The following PLBD1 variants were observed in gnomAD, a reference collection of about 807,000 sequenced individuals.
PLBD1 encodes phospholipase B domain containing 1.
Under a neutral mutation model 63.0 loss-of-function variants are expected in PLBD1, and 60 were observed. The observed-to-expected ratio is 0.95, with a 90% CI of 0.77 to 1.18. PLBD1 has a LOEUF of 1.18. PLBD1 is among the 50% of genes most tolerant of loss of function. PLBD1 has a pLI of 0.00. For missense variants in PLBD1, 598 were observed against 677.9 expected (o/e 0.88, Z 1.31); for synonymous variants, 262 against 248.0 (o/e 1.06, Z -0.53).
At chr12:14,507,208 A>G in intron 8 of PLBD1, 90 bp from the exon 9 acceptor site, 1 of 1,032,922 alleles carries the variant, frequency 9.7e-7, no homozygotes. Context: ...ATCCATGTTC[A>G]TTTATTTTGA....
intron 2 of PLBD1, among the ~76,000 whole-genome samples, chr12:14,550,300 C>T (rs561253834): frequency 6.3e-4 from 96 of 152,308 alleles, no homozygotes; most frequent in African/African-American, 2.2e-3. Context: ...ATCTCTGCCC[C>T]ACTCCTGATC....
chr12:14,540,993 C>T, intron 3 of PLBD1, 91 bp from the exon 4 acceptor site: 1 of 1,292,140 alleles, frequency 7.7e-7, no homozygotes, highest in Non-Finnish European at 1.0e-6. Context: ...TATACTCAGA[C>T]ACTTATGCTA....
intron 1 of PLBD1, among the ~76,000 whole-genome samples, chr12:14,558,321 T>A (rs1357174968): frequency 6.6e-6 from 1 of 152,102 alleles, no homozygotes; most frequent in Non-Finnish European, 1.5e-5. Flanking sequence ...AATTTGCCAA[T>A]AAACTGCGGG....
At chr12:14,558,111 G>C (rs1945720350) in intron 1 of PLBD1, among the ~76,000 whole-genome samples, 1 of 149,560 alleles carries the variant, frequency 6.7e-6, no homozygotes, top group Non-Finnish European at 1.5e-5. Context: ...CTTAATACTA[G>C]AGCATCATGG....
chr12:14,540,894 T>C lies in PLBD1; in HGVS notation c.428A>G (p.Asp143Gly), dbSNP rs774824067. The C allele has an allele frequency of 2.0e-5, 32 of 1,596,088 alleles. No individual in the cohort carries two copies. The highest frequency in any genetic ancestry group is 3.3e-4 in the Middle Eastern group (2 of 6,004). ...DKVQDFMEKQ[D>G]KWTRKNIKEY... The stretch of plus-strand genomic sequence containing the variant: ...TTTGATATTTTTCCGGGTCCACTTA[T>C]CTTGCTTCCTGGAAGAGAAATTAGA... Residue 143 changes from aspartate to glycine, a missense_variant, in exon 4 of 11, where the codon GAT (aspartate) becomes GGT (glycine). Physicochemically the swap from Asp to Gly is moderately conservative, Grantham distance 94. Transcript: ENST00000240617.
intron 6 of PLBD1, among the ~76,000 whole-genome samples, chr12:14,528,984 CAAA>C (rs950011313): frequency 1.3e-5 from 2 of 151,982 alleles, no homozygotes; most frequent in Non-Finnish European, 2.9e-5. Context: ...AACTTTTCAA[CAAA>C]TAAAAACCTT....
At chr12:14,564,566 G>T (rs1945766121) in intron 1 of PLBD1, among the ~76,000 whole-genome samples, 1 of 152,218 alleles carries the variant, frequency 6.6e-6, no homozygotes, top group African/African-American at 2.4e-5. Context: ...CAGTGAGAAA[G>T]TGCCTAGAGC....
At chr12:14,529,859 A>G in intron 6 of PLBD1, among the ~76,000 whole-genome samples, 1 of 152,208 alleles carries the variant, frequency 6.6e-6, no homozygotes, top group East Asian at 1.9e-4. Context: ...GATTGTATAT[A>G]TAGAAAATCC....
chr12:14,518,089 G>A (rs576818352), intron 6 of PLBD1, among the ~76,000 whole-genome samples: 14 of 152,222 alleles, frequency 9.2e-5, no homozygotes, highest in Admixed American at 8.5e-4. Context: ...GCTGAGGCAC[G>A]AGAATCACTT....
intron 2 of PLBD1, 77 bp from the exon 3 acceptor site, chr12:14,542,368 T>G: frequency 8.8e-7 from 1 of 1,133,814 alleles, no homozygotes. Flanking sequence ...TATTCAATCA[T>G]TTGGCTAACT....
At chr12:14,536,127 C>G (rs1225954475) in intron 5 of PLBD1, 3 of 266,788 alleles carry the variant, frequency 1.1e-5, no homozygotes, top group Non-Finnish European at 2.1e-5. Flanking sequence ...GAAACCCTGT[C>G]TAAACCAAAA....
At position 14,506,941 on chromosome 12, in the gene PLBD1, C is replaced by T. The variant is rs532368691; in HGVS notation, c.1364G>A (p.Arg455Gln). The T allele has an allele frequency of 5.6e-5, 91 of 1,613,618 alleles. No individual in the cohort carries two copies. Among genetic ancestry groups the T allele is most frequent in the Admixed American group, 1.7e-4 (10 of 59,984 alleles). The change falls in exon 9 of 11, where the codon CGA becomes CAA. Residue 455 changes from arginine (R) to glutamine (Q), a missense_variant. Transcript: ENST00000240617. ...AGAAATATGCTACGTACTGTTGTAT[C>T]GCATGATATATTTCATGGATGCCGT... ...TDTASMKYIMRYNNYKKDPYS... is the reference protein window; with the variant it reads ...TDTASMKYIMQYNNYKKDPYS...
chr12:14,518,089 G>C (rs576818352), intron 6 of PLBD1, among the ~76,000 whole-genome samples: 1 of 152,104 alleles, frequency 6.6e-6, no homozygotes, highest in African/African-American at 2.4e-5. Context: ...GCTGAGGCAC[G>C]AGAATCACTT....
intron 2 of PLBD1, among the ~76,000 whole-genome samples, chr12:14,547,228 T>C (rs1165858986): frequency 8.6e-6 from 1 of 116,462 alleles, no homozygotes; most frequent in African/African-American, 3.0e-5. Flanking sequence ...GTGTGTAGAC[T>C]AGCTTTTTTG....
rs750748811 is a variant in PLBD1, at chr12:14,553,386, T to C, written c.142A>G (p.Met48Val). ...AGVYYATAYW[M>V]PAEKTVQVKN... is the part of the protein sequence containing the mutation. ...ACTTGTACTGTCTTTTCAGCAGGCA[T>C]CCAGTATGCAGTTGCATAGTAGACT... Residue 48 changes from methionine (M) to valine (V), a missense_variant, in exon 2 of 11, where the codon ATG becomes GTG. Coordinates refer to ENST00000240617, the MANE Select transcript of PLBD1 (RefSeq NM_024829.6). The C allele has an allele frequency of 5.6e-6, 9 of 1,614,028 alleles. No homozygotes were observed. Among genetic ancestry groups the C allele is most frequent in the Non-Finnish European group, 7.6e-6 (9 of 1,180,008 alleles).
At chr12:14,518,071 C>T (rs1565572337) in intron 6 of PLBD1, among the ~76,000 whole-genome samples, 1 of 152,126 alleles carries the variant, frequency 6.6e-6, no homozygotes, top group Admixed American at 6.5e-5. Flanking sequence ...ATCCCAGCTA[C>T]TTGGAAGGCT....
At chr12:14,532,147 C>A (rs774380156) in intron 6 of PLBD1, among the ~76,000 whole-genome samples, 1 of 152,174 alleles carries the variant, frequency 6.6e-6, no homozygotes, top group African/African-American at 2.4e-5. Context: ...GCCTATAAGT[C>A]GAGCTGGAAG....
At chr12:14,516,511 T>A (rs1470165163) in intron 6 of PLBD1, among the ~76,000 whole-genome samples, 3 of 152,170 alleles carry the variant, frequency 2.0e-5, no homozygotes, top group African/African-American at 7.2e-5. Flanking sequence ...TGAATTTCTA[T>A]GGATGACACT....
intron 1 of PLBD1, among the ~76,000 whole-genome samples, chr12:14,558,279 T>C (rs570953867): frequency 5.3e-5 from 8 of 152,226 alleles, no homozygotes; most frequent in Admixed American, 6.5e-5. Flanking sequence ...TAATCGGAAG[T>C]AATGGCATTA....
Sources: allele counts gnomAD v4.1 joint callset (sites outside exome capture counted in the v4.1 genomes callset), GRCh38; gene constraint gnomAD v4.1.1; transcripts MANE v1.5; gene names NCBI Gene and HGNC (gene_info 2026-07-23, HGNC 2026-07-21).